Variants in INPPL1 observed in about 807,000 individuals in gnomAD.
INPPL1 encodes the protein inositol polyphosphate phosphatase like 1, also known as phosphatidylinositol 3,4,5-trisphosphate 5-phosphatase 2.
A neutral mutation model predicts 139.3 loss-of-function variants in INPPL1; 91 were observed. The observed-to-expected ratio is 0.65, with a 90% CI of 0.55 to 0.78. The LOEUF (loss-of-function observed/expected upper bound fraction) is 0.78, where lower values mean the gene tolerates loss of function less well. Ranked by LOEUF, INPPL1 falls within the 30% of genes least tolerant of loss-of-function variation. The pLI, the probability that INPPL1 is intolerant of heterozygous loss-of-function variation, is 0.00. For synonymous variants in INPPL1, 719 were observed against 686.6 expected, an observed-to-expected ratio of 1.05 and a Z score of -0.74; for missense variants, 1,411 against 1,665.6, an observed-to-expected ratio of 0.85 and a Z score of 2.66.
chr11:72,234,583 A>C lies in INPPL1; in HGVS notation c.2383A>C (p.Lys795Gln), dbSNP rs749897962. The change falls in exon 21 of 28, where the codon AAA (lysine) becomes CAA (glutamine). Residue 795 changes from lysine to glutamine, a missense_variant. This residue lies in a region of INPPL1 where 363 missense variants were observed against 446.2 expected (regional missense o/e 0.81). Coordinates refer to ENST00000298229, the MANE Select transcript of INPPL1 (RefSeq NM_001567.4). The surrounding 1 kb of genome is among the most constrained non-coding windows in gnomAD (Gnocchi z 4.2). ...AQSSDNINFL[K>Q]VQWSSRQLPT... is the part of the protein sequence containing the mutation. ...GAGCAGTGACAACATCAACTTCCTC[A>C]AAGTGCAGTGGTCTTCACGCCAGCT... The C allele has an allele frequency of 3.1e-6, 5 of 1,613,764 alleles. No homozygotes were observed. The highest frequency in any genetic ancestry group is 3.4e-6 in the Non-Finnish European group (4 of 1,179,884).
At position 72,235,419 on chromosome 11, in the gene INPPL1, C is replaced by T. The variant is rs367743824; in HGVS notation, c.2627C>T (p.Thr876Met). The part of the protein sequence containing the change: ...IRGSMKVRVP[T>M]ERLGTRERLY... Reference sequence around the variant, plus strand: ...GGCTCCATGAAGGTGCGGGTGCCCACGGAGCGCCTGGGCACCCGTGAGCGG... The same window carrying T: ...GGCTCCATGAAGGTGCGGGTGCCCATGGAGCGCCTGGGCACCCGTGAGCGG... The change falls in exon 23 of 28, where the codon ACG (threonine) becomes ATG (methionine). Residue 876 changes from threonine (T) to methionine (M), a missense_variant. Around this residue, in one of 5 missense-constraint regions of INPPL1, gnomAD observed 99 missense variants for 171.6 expected, o/e 0.58. Coordinates refer to ENST00000298229, the MANE Select transcript of INPPL1 (RefSeq NM_001567.4). This position sits in a 1 kb window ranked among gnomAD's most constrained non-coding sequence, Gnocchi z 4.9. 4.9e-5 allele frequency: 79 copies of T among 1,613,290 alleles called. No individual in the cohort carries two copies. The highest frequency in any genetic ancestry group is 8.0e-5 in the African/African-American group (6 of 74,860).
chr11:72,230,108 A>C lies in INPPL1; in HGVS notation c.940-13A>C. On this transcript the variant is annotated splice_polypyrimidine_tract_variant and intron_variant, in intron 8 of 27. Coordinates refer to ENST00000298229, the MANE Select transcript of INPPL1 (RefSeq NM_001567.4). ...CCAAGGTCTTGTCAGCAGCCTCCCC[A>C]CCTGGCCTACAGGTGAAGCTAGATG... 6.2e-7 allele frequency: 1 copy of C among 1,610,918 alleles called. No homozygotes were observed. The highest frequency in any genetic ancestry group is 8.5e-7 in the Non-Finnish European group (1 of 1,177,570).
Position 72,229,216 on chromosome 11 carries a change from C to T in INPPL1, c.645C>T (p.Cys215=), listed in dbSNP as rs747599726. Residue 215 remains cysteine, a synonymous_variant, in exon 5 of 28, where the codon TGC becomes TGT. Transcript: ENST00000298229. The part of the protein sequence containing the change: ...PHLTRTLATS[C]RRLHSEVDKV... ...TCACCCGTACCCTCGCTACCTCATG[C>T]CGGAGGCTGCACAGGTATCTGGGAC... The T allele has an allele frequency of 3.7e-6, 6 of 1,609,800 alleles. No homozygotes were observed. The Admixed American group carries it at 8.4e-5, about 22-fold the overall frequency.
At position 72,231,493 on chromosome 11, in the gene INPPL1, C is replaced by T. The variant is rs765038430; in HGVS notation, c.1498-5C>T. Reference sequence around the variant, plus strand: ...GGCAGTGGTGACCATGCACTCTCTACCCAGATTGCCATGCAATCACTGTGG... The same window carrying T: ...GGCAGTGGTGACCATGCACTCTCTATCCAGATTGCCATGCAATCACTGTGG... On this transcript the variant is annotated splice_region_variant and splice_polypyrimidine_tract_variant and intron_variant, in intron 12 of 27. Transcript: ENST00000298229. The T allele has an allele frequency of 1.0e-5, 16 of 1,607,914 alleles. No individual in the cohort carries two copies. Among genetic ancestry groups the T allele is most frequent in the Non-Finnish European group, 8.5e-7 (1 of 1,174,670 alleles).
chr11:72,225,215 G>C, intron 1 of INPPL1, 49 bp downstream of exon 1: 3 of 1,227,822 alleles, frequency 2.4e-6, no homozygotes, highest in Non-Finnish European at 3.0e-6. Context: ...CGGGAGCGCG[G>C]GCACGGCCGG....
intron 26 of INPPL1, 28 bp from the exon 27 acceptor site, chr11:72,238,014 C>G (rs747729967): frequency 1.3e-6 from 2 of 1,517,176 alleles, no homozygotes; most frequent in Admixed American, 2.2e-5. Context: ...GGGCACTCAG[C>G]TCCCCCTGAC....
chr11:72,230,258 C>T lies in INPPL1; in HGVS notation c.1077C>T (p.Phe359=), dbSNP rs775804333. 2.6e-5 allele frequency: 41 copies of T among 1,607,448 alleles called. No homozygotes were observed. The highest frequency in any genetic ancestry group is 3.4e-5 in the Non-Finnish European group (40 of 1,176,030). ...QRDSQEDWTT[F]THDRIRQLIK... ...ACTCCCAGGAGGACTGGACCACCTT[C>T]ACGCACGACCGCAGTGAGCCAGGGC... Residue 359 remains phenylalanine (F), a synonymous_variant, in exon 9 of 28, where the codon TTC becomes TTT. Coordinates refer to ENST00000298229, the MANE Select transcript of INPPL1 (RefSeq NM_001567.4).
chr11:72,230,789 C>T lies in INPPL1; in HGVS notation c.1198-7C>T, dbSNP rs201863115. On this transcript the variant is annotated splice_polypyrimidine_tract_variant and splice_region_variant and intron_variant, in intron 10 of 27. Transcript: ENST00000298229. ...TACCCGCCCCTGAGTGGCTGCTGTT[C>T]CCCCAGAAGCGGGAGGCCTTCTGCC... 6.8e-6 allele frequency: 11 copies of T among 1,612,452 alleles called. No homozygotes were observed. Among genetic ancestry groups the T allele is most frequent in the Admixed American group, 3.3e-5 (2 of 59,954 alleles).
Position 72,234,412 on chromosome 11 carries a change from G to A in INPPL1, c.2326+18G>A, listed in dbSNP as rs756967469. The A allele has an allele frequency of 1.2e-6, 2 of 1,608,636 alleles. No individual in the cohort carries two copies. Among genetic ancestry groups the A allele is most frequent in the Non-Finnish European group, 1.7e-6 (2 of 1,174,978 alleles). ...CCTGGAGGGTCAGAGGCGTGGCAGG[G>A]GCTGGGTGTGGGCCAAGGAGGATGG... is the stretch of plus-strand genomic sequence containing the variant. On this transcript the variant is annotated intron_variant, in intron 20 of 27. Coordinates refer to ENST00000298229, the MANE Select transcript of INPPL1 (RefSeq NM_001567.4). The surrounding 1 kb of genome is among the most constrained non-coding windows in gnomAD (Gnocchi z 4.2).
Position 72,230,285 on chromosome 11 carries a change from A to G in INPPL1, c.1090+14A>G. ...CGCACGACCGCAGTGAGCCAGGGCCAGACCTGGGAGGGGTGGGCAGGGCGG... is the reference window on the plus strand; with the variant it reads ...CGCACGACCGCAGTGAGCCAGGGCCGGACCTGGGAGGGGTGGGCAGGGCGG... On this transcript the variant is annotated intron_variant, in intron 9 of 27. Coordinates refer to ENST00000298229, the MANE Select transcript of INPPL1 (RefSeq NM_001567.4). 6.2e-7 allele frequency: 1 copy of G among 1,609,644 alleles called. No individual in the cohort carries two copies.
chr11:72,232,400 C>T (rs1948859982), intron 14 of INPPL1, 64 bp downstream of exon 14: 1 of 1,420,310 alleles, frequency 7.0e-7, no homozygotes, highest in African/African-American at 1.4e-5. Flanking sequence ...CCTGTTCCCG[C>T]TCCCATACCC....
chr11:72,226,177 C>CTTTT (rs772547413), intron 1 of INPPL1, among the ~76,000 whole-genome samples: 5 of 129,820 alleles, frequency 3.9e-5, no homozygotes, highest in South Asian at 4.9e-4. Flanking sequence ...CAGGGGAGAC[C>CTTTT]TTTTTTTTTT....
Position 72,232,264 on chromosome 11 carries a change from CCTT to C in INPPL1, c.1642_1644del (p.Phe548del). 1 of 1,557,322 alleles carries C rather than the reference CCTT, an allele frequency of 6.4e-7. No individual in the cohort carries two copies. Among genetic ancestry groups the C allele is most frequent in the Non-Finnish European group, 8.7e-7 (1 of 1,149,702 alleles). On this transcript the variant is annotated inframe_deletion, in exon 14 of 28. Coordinates refer to ENST00000298229, the MANE Select transcript of INPPL1 (RefSeq NM_001567.4). Reference sequence around the variant, plus strand: ...GGGAACAAGGGGGCTGTGGGCGTCTCCTTCATGTTTAATGGCACCTCATTTGGC... The same window carrying C: ...GGGAACAAGGGGGCTGTGGGCGTCTCCATGTTTAATGGCACCTCATTTGGC...
Position 72,228,360 on chromosome 11 carries a change from G to A in INPPL1, c.259G>A (p.Val87Met), listed in dbSNP as rs759591470. 20 of 1,613,620 alleles carry A rather than the reference G, an allele frequency of 1.2e-5. No homozygotes were observed. The highest frequency in any genetic ancestry group is 1.7e-5 in the Non-Finnish European group (20 of 1,179,964). ...TGCTGGCCCACAGACCTCGCAGGGT[G>A]TGCCTGTGCGCCGCTTCCAGACCCT... ...DFLAVQTSQG[V>M]PVRRFQTLGE... is the part of the protein sequence containing the mutation. Residue 87 changes from valine (V) to methionine (M), a missense_variant, in exon 3 of 28, where the codon GTG becomes ATG. Val to Met is a conservative substitution (Grantham distance 21). Around this residue, in one of 5 missense-constraint regions of INPPL1, gnomAD observed 504 missense variants for 595.6 expected, o/e 0.85. Coordinates refer to ENST00000298229, the MANE Select transcript of INPPL1 (RefSeq NM_001567.4). The surrounding 1 kb of genome is among the most constrained non-coding windows in gnomAD (Gnocchi z 5.0).
rs982293664 is a variant in INPPL1, at chr11:72,228,981, T to C, written c.519-109T>C. The C allele has an allele frequency of 1.9e-5, 29 of 1,523,254 alleles. No individual in the cohort carries two copies. Among genetic ancestry groups the C allele is most frequent in the Non-Finnish European group, 2.2e-5 (25 of 1,134,960 alleles). 94.4% of individuals were successfully genotyped at this position (1,523,254 alleles called of 1,614,324 possible). Reference sequence around the variant, plus strand: ...CACCTCAGCCCAGAGGCAGATAACCTGATCCATCCCGCCCTGGTTGCCACA... The same window carrying C: ...CACCTCAGCCCAGAGGCAGATAACCCGATCCATCCCGCCCTGGTTGCCACA... On this transcript the variant is annotated intron_variant, in intron 4 of 27. Coordinates refer to ENST00000298229, the MANE Select transcript of INPPL1 (RefSeq NM_001567.4). The surrounding 1 kb of genome is among the most constrained non-coding windows in gnomAD (Gnocchi z 5.0).
intron 8 of INPPL1, 47 bp downstream of exon 8, chr11:72,230,066 C>T (rs759673818): frequency 1.2e-6 from 2 of 1,613,928 alleles, no homozygotes; most frequent in Middle Eastern, 1.6e-4. Context: ...TTGGAGGTGA[C>T]CAGGGTGCTG....
rs1034455352 is a variant in INPPL1, at chr11:72,232,128, G to A, written c.1616-112G>A. 42 of 852,622 alleles carry A rather than the reference G, an allele frequency of 4.9e-5. No homozygotes were observed. In the African/African-American group the frequency reaches 5.4e-4, roughly 11 times the overall value. The allele number at this position is 852,622 out of a possible 1,614,324, so 52.8% of individuals were successfully genotyped here. On this transcript the variant is annotated intron_variant, in intron 13 of 27. Coordinates refer to ENST00000298229, the MANE Select transcript of INPPL1 (RefSeq NM_001567.4). ...TGCAGGGGCCTGCCCATGTCACAGC[G>A]TCTGGTGGGCTCAGCGGGAGGATCC...
chr11:72,224,389 A>T (rs1483966112), upstream of INPPL1, among the ~76,000 whole-genome samples: 2 of 151,732 alleles, frequency 1.3e-5, no homozygotes, highest in Admixed American at 6.6e-5. Context: ...GATGCAGCCA[A>T]GCTGTAAGGG....
In INPPL1 at chr11:72,237,705, C is replaced by A. The variant is rs769535843; in HGVS notation, c.3461C>A (p.Pro1154His). Reference protein sequence around the residue: ...ALLPGPLELQPPRGLPSDYGR... With the variant: ...ALLPGPLELQHPRGLPSDYGR... ...CTCCCAGGCCCCCTGGAGCTGCAGC[C>A]CCCCCGGGGACTGCCCTCGGACTAT... The change falls in exon 26 of 28, where the codon CCC becomes CAC. Residue 1154 changes from proline to histidine, a missense_variant. Around this residue, in one of 5 missense-constraint regions of INPPL1, gnomAD observed 438 missense variants for 425.7 expected, o/e 1.03. Transcript: ENST00000298229. 2.4e-5 allele frequency: 39 copies of A among 1,611,592 alleles called. No homozygotes were observed. Among genetic ancestry groups the A allele is most frequent in the Non-Finnish European group, 3.2e-5 (38 of 1,179,382 alleles).
Sources: gnomAD v4.1 joint callset for allele counts (sites outside exome capture counted in the v4.1 genomes callset) on GRCh38, gnomAD v4.1.1 for gene constraint, gnomAD v4.1.1 regional missense constraint, Gnocchi (gnomAD v3.1) non-coding constraint, MANE v1.5 for transcripts, NCBI Gene and HGNC (gene_info 2026-07-23, HGNC 2026-07-21) for gene names.